The following NOP9 variants were observed in gnomAD, a reference collection of about 807,000 sequenced individuals.
NOP9 encodes the protein NOP9 nucleolar protein.
Under a neutral mutation model 63.0 loss-of-function variants are expected in NOP9, and 50 were observed. The observed-to-expected ratio is 0.79, with a 90% CI of 0.63 to 1.00. The LOEUF is 1.00. Among genes scored for constraint, NOP9 ranks in the 50% least tolerant of loss-of-function variants. The pLI, the probability that NOP9 is intolerant of heterozygous loss-of-function variation, is 0.00. For missense variants in NOP9, 758 were observed against 803.0 expected, an observed-to-expected ratio of 0.94 and a Z score of 0.68; for synonymous variants, 343 against 332.8, an observed-to-expected ratio of 1.03 and a Z score of -0.33.
the NOP9 span, chr14:24,291,160 A>G: frequency 1.9e-6 from 3 of 1,614,156 alleles, no homozygotes; most frequent in East Asian, 4.5e-5. Context: ...CGAAGGCCAT[A>G]GCGTCGAGCA....
At chr14:24,290,689 A>C in the NOP9 span, 2 of 717,372 alleles carry the variant, frequency 2.8e-6, no homozygotes, top group Non-Finnish European at 4.5e-6. Flanking sequence ...ACCAAGGCAC[A>C]AAGAAGGGAC....
Position 24,301,670 on chromosome 14 carries a change from C to G in NOP9, c.756C>G (p.Thr252=). The change falls in exon 3 of 10, where the codon ACC becomes ACG. Residue 252 remains threonine (T), a synonymous_variant. Coordinates refer to ENST00000267425, the MANE Select transcript of NOP9 (RefSeq NM_174913.3). ...CKPADFEVPE[T]FLNRLQDLSS... ...CAGCTGATTTTGAAGTCCCTGAAACCTTTTTGAATCGCCTTCAGGACCTGA... is the reference window on the plus strand; with the variant it reads ...CAGCTGATTTTGAAGTCCCTGAAACGTTTTTGAATCGCCTTCAGGACCTGA... 1.9e-6 allele frequency: 3 copies of G among 1,614,116 alleles called. No individual in the cohort carries two copies. The highest frequency in any genetic ancestry group is 2.5e-6 in the Non-Finnish European group (3 of 1,180,000).
At position 24,300,068 on chromosome 14, in the gene NOP9, A is replaced by C. The variant is rs767689193; in HGVS notation, c.114A>C (p.Gln38His). The change falls in exon 1 of 10, where the codon CAA (glutamine) becomes CAC (histidine). Residue 38 changes from glutamine to histidine, a missense_variant. Transcript: ENST00000267425. ...SGRPLPGRKRQPWPPPDGRSE... is the reference protein window; with the variant it reads ...SGRPLPGRKRHPWPPPDGRSE... ...GCCCCTTACCAGGCCGTAAGCGGCAACCCTGGCCGCCTCCGGATGGGCGCT... is the reference window on the plus strand; with the variant it reads ...GCCCCTTACCAGGCCGTAAGCGGCACCCCTGGCCGCCTCCGGATGGGCGCT... The C allele has an allele frequency of 6.2e-6, 10 of 1,612,388 alleles. No homozygotes were observed. The East Asian group carries it at 1.8e-4, about 29-fold the overall frequency.
At chr14:24,277,373 G>A in the NOP9 span, among the ~76,000 whole-genome samples, 1 of 152,090 alleles carries the variant, frequency 6.6e-6, no homozygotes, top group African/African-American at 2.4e-5. Flanking sequence ...TCAGGTGTGC[G>A]CAGGTAGTCA....
chr14:24,294,127 C>G, the NOP9 span: 1 of 151,900 alleles, frequency 6.6e-6, no homozygotes, highest in Non-Finnish European at 1.5e-5. Context: ...CACAGAAGTA[C>G]TGAAAGAAAA....
upstream of NOP9, chr14:24,299,296 G>A (rs536211046): frequency 6.7e-4 from 403 of 603,572 alleles, 2 homozygotes; most frequent in South Asian, 8.6e-3. Context: ...CGGGCCTGAG[G>A]ACAAGGCTGA....
At chr14:24,286,997 C>T in the NOP9 span, among the ~76,000 whole-genome samples, 1 of 152,148 alleles carries the variant, frequency 6.6e-6, no homozygotes, top group African/African-American at 2.4e-5. Flanking sequence ...TCAAGCGATC[C>T]TCCTGCCTCA....
chr14:24,299,834 GC>G (rs1217330549), upstream of NOP9: 37 of 1,265,226 alleles, frequency 2.9e-5, no homozygotes, highest in Admixed American at 5.8e-5. Context: ...TGACGTAGTA[GC>G]TGCGTCAGGA....
chr14:24,296,750 A>T (rs1368793500), upstream of NOP9: 1 of 1,614,228 alleles, frequency 6.2e-7, no homozygotes, highest in South Asian at 1.1e-5. Context: ...GGACCCCTGC[A>T]TAAGCATTGT....
chr14:24,296,460 G>A, upstream of NOP9: 1 of 1,590,202 alleles, frequency 6.3e-7, no homozygotes, highest in Non-Finnish European at 8.6e-7. Context: ...TGGCCGTCGA[G>A]TTGGCTAAGT....
the NOP9 span, chr14:24,291,159 T>C: frequency 1.9e-6 from 3 of 1,614,094 alleles, no homozygotes; most frequent in South Asian, 2.2e-5. Context: ...CCGAAGGCCA[T>C]AGCGTCGAGC....
Position 24,306,074 on chromosome 14 carries a change from A to T in NOP9, c.*979A>T, listed in dbSNP as rs2139141347. The T allele has an allele frequency of 6.2e-7, 1 of 1,614,186 alleles. No individual in the cohort carries two copies. Among genetic ancestry groups the T allele is most frequent in the African/African-American group, 1.3e-5 (1 of 75,036 alleles). On this transcript the variant is annotated 3_prime_UTR_variant, in exon 10 of 10. Coordinates refer to ENST00000267425, the MANE Select transcript of NOP9 (RefSeq NM_174913.3). ...TTTTGCTTGTACACGTCAAAGGTGA[A>T]TCGGGCGATGTCCTTGCTGTGCTTG... is the stretch of plus-strand genomic sequence containing the variant.
upstream of NOP9, chr14:24,296,877 T>C: frequency 1.9e-6 from 3 of 1,614,232 alleles, no homozygotes; most frequent in Non-Finnish European, 2.5e-6. Flanking sequence ...CCCGAGGGAT[T>C]GTGCCTGGAG....
rs763393854 is a variant in NOP9 at position 24,300,646 on chromosome 14, G to GGAGGAT, written c.491_492insTGAGGA (p.Glu163_Glu164insAspGlu). On this transcript the variant is annotated inframe_insertion, in exon 2 of 10. Transcript: ENST00000267425. ...CTCGATTGCTGGGGAGTGCTGCAGAGGAGGAGGAGGAGGAGGAGGAGGATG... is the reference window on the plus strand; with the variant it reads ...CTCGATTGCTGGGGAGTGCTGCAGAGGAGGATGAGGAGGAGGAGGAGGAGGAGGATG... 1 of 1,293,180 alleles carries GGAGGAT rather than the reference G, an allele frequency of 7.7e-7. No individual in the cohort carries two copies. Among genetic ancestry groups the GGAGGAT allele is most frequent in the Non-Finnish European group, 1.1e-6 (1 of 943,614 alleles). The allele number at this position is 1,293,180 out of a possible 1,614,324, so 80.1% of individuals were successfully genotyped here.
At chr14:24,301,501 C>A in intron 2 of NOP9, 111 bp from the exon 3 acceptor site, 1 of 1,303,048 alleles carries the variant, frequency 7.7e-7, no homozygotes, top group Non-Finnish European at 1.1e-6. Flanking sequence ...TTTAGTTGTA[C>A]TACATCTGTT....
At position 24,302,084 on chromosome 14, in the gene NOP9, C is replaced by T. The variant is rs753882774; in HGVS notation, c.928C>T (p.Arg310Cys). 11 of 1,613,690 alleles carry T rather than the reference C, an allele frequency of 6.8e-6. No homozygotes were observed. The highest frequency in any genetic ancestry group is 3.3e-5 in the Admixed American group (2 of 59,960). The change falls in exon 4 of 10, where the codon CGC becomes TGC. Residue 310 changes from arginine (R) to cysteine (C), a missense_variant. Coordinates refer to ENST00000267425, the MANE Select transcript of NOP9 (RefSeq NM_174913.3). ...TGCTGTGATTGGCTACCTGAGTACT[C>T]GCGGTTCCTCAGTAGATGGCAGGTA... ...CNAVIGYLST[R>C]GSSVDGSPLL... is the part of the protein sequence containing the mutation.
upstream of NOP9, chr14:24,298,875 T>C: frequency 7.0e-7 from 1 of 1,427,658 alleles, no homozygotes. Flanking sequence ...TAGTTTCAGG[T>C]AAGGGATTAG....
upstream of NOP9, among the ~76,000 whole-genome samples, chr14:24,297,884 C>A (rs147509005): frequency 4.9e-3 from 742 of 152,306 alleles, 8 homozygotes; most frequent in African/African-American, 0.017. Context: ...AGGACGCTTT[C>A]CCAAACCACT....
chr14:24,307,712 C>A lies in NOP9; in HGVS notation c.*2617C>A. The A allele has an allele frequency of 7.6e-7, 1 of 1,322,846 alleles. No homozygotes were observed. Among genetic ancestry groups the A allele is most frequent in the Non-Finnish European group, 1.1e-6 (1 of 939,398 alleles). 81.9% of individuals were successfully genotyped at this position (1,322,846 alleles called of 1,614,324 possible). On this transcript the variant is annotated 3_prime_UTR_variant, in exon 10 of 10. Coordinates refer to ENST00000267425, the MANE Select transcript of NOP9 (RefSeq NM_174913.3). ...GACAAGCCCACTGTGGAGTGGGGAG[C>A]AGGAGAGGAAGGGGTACTGGTTAGT...
Sources: gnomAD v4.1 joint callset for allele counts (sites outside exome capture counted in the v4.1 genomes callset) on GRCh38, gnomAD v4.1.1 for gene constraint, MANE v1.5 for transcripts, NCBI Gene and HGNC (gene_info 2026-07-23, HGNC 2026-07-21) for gene names.